CCSER1: variants seen among roughly 807,000 people sequenced by gnomAD.
The protein encoded by CCSER1 is coiled-coil serine rich protein 1.
A neutral mutation model predicts 82.0 loss-of-function variants in CCSER1; 41 were observed. The observed-to-expected ratio is 0.50, with a 90% confidence interval of 0.39 to 0.65. CCSER1 has a LOEUF of 0.65. CCSER1 is among the 30% of genes least tolerant of loss of function. The pLI, the probability that CCSER1 is intolerant of heterozygous loss-of-function variation, is 0.00. For missense variants in CCSER1, 1,119 were observed against 1,064.2 expected, an observed-to-expected ratio of 1.05 and a Z score of -0.72; for synonymous variants, 414 against 383.9, an observed-to-expected ratio of 1.08 and a Z score of -0.92.
intron 9 of CCSER1, among the ~76,000 whole-genome samples, chr4:90,995,063 C>T (rs1407882564): frequency 2.0e-5 from 3 of 152,118 alleles, no homozygotes; most frequent in Admixed American, 6.6e-5. Context: ...AATCTTTTTG[C>T]AATTTTACAA....
chr4:90,596,279 A>G (rs1783323848), intron 5 of CCSER1, among the ~76,000 whole-genome samples: 1 of 151,974 alleles, frequency 6.6e-6, no homozygotes. Flanking sequence ...ATGATCATTT[A>G]TGTTAATTAT....
intron 10 of CCSER1, among the ~76,000 whole-genome samples, chr4:91,159,022 C>T (rs751157944): frequency 6.6e-6 from 1 of 151,926 alleles, no homozygotes. Flanking sequence ...TTCTACAGTA[C>T]AGCTCGGATC....
At chr4:91,420,837 A>G (rs192431640) in intron 10 of CCSER1, among the ~76,000 whole-genome samples, 2 of 152,284 alleles carry the variant, frequency 1.3e-5, no homozygotes, top group East Asian at 3.9e-4. Context: ...AGATAGATAG[A>G]TAGAGATATA....
chr4:90,201,333 G>C (rs558709313), intron 1 of CCSER1, among the ~76,000 whole-genome samples: 15 of 152,140 alleles, frequency 9.9e-5, no homozygotes, highest in African/African-American at 3.1e-4. Context: ...AGAACATGCT[G>C]TAGTGATAGG....
intron 10 of CCSER1, among the ~76,000 whole-genome samples, chr4:91,089,773 A>C (rs1374521590): frequency 1.3e-5 from 2 of 152,208 alleles, no homozygotes; most frequent in Non-Finnish European, 2.9e-5. Flanking sequence ...TGGCCCCAGG[A>C]TCAAATCCGT....
chr4:90,974,099 G>T (rs753959280), intron 9 of CCSER1, among the ~76,000 whole-genome samples: 3 of 151,472 alleles, frequency 2.0e-5, no homozygotes, highest in Non-Finnish European at 4.4e-5. Context: ...ACGGTAGAAA[G>T]CTTTAGTTAT....
intron 10 of CCSER1, among the ~76,000 whole-genome samples, chr4:91,510,246 A>T (rs1164518483): frequency 6.6e-6 from 1 of 152,074 alleles, no homozygotes; most frequent in Non-Finnish European, 1.5e-5. Flanking sequence ...TTATTTTCCA[A>T]TCCACTGCCG....
intron 8 of CCSER1, among the ~76,000 whole-genome samples, chr4:90,919,544 A>G (rs1728070450): frequency 6.6e-6 from 1 of 151,958 alleles, no homozygotes; most frequent in African/African-American, 2.4e-5. Context: ...AGTAGTAATA[A>G]TTAAAGTGGT....
intron 10 of CCSER1, among the ~76,000 whole-genome samples, chr4:91,484,281 A>C (rs1212300464): frequency 6.6e-6 from 1 of 152,134 alleles, no homozygotes; most frequent in African/African-American, 2.4e-5. Context: ...CTCTATTCTT[A>C]TATCTTTGCA....
intron 1 of CCSER1, among the ~76,000 whole-genome samples, chr4:90,282,381 A>G (rs1298221715): frequency 6.6e-6 from 1 of 151,626 alleles, no homozygotes; most frequent in African/African-American, 2.4e-5. Flanking sequence ...AGTAAAAGTG[A>G]TATAGAAAGT....
chr4:91,290,190 T>C (rs1252168944), intron 10 of CCSER1, among the ~76,000 whole-genome samples: 1 of 152,014 alleles, frequency 6.6e-6, no homozygotes, highest in Non-Finnish European at 1.5e-5. Context: ...GAGAAACGTA[T>C]TGCCAGCAAA....
At chr4:90,390,815 CTGAGT>C (rs1212599959) in intron 3 of CCSER1, among the ~76,000 whole-genome samples, 1 of 152,106 alleles carries the variant, frequency 6.6e-6, no homozygotes, top group Non-Finnish European at 1.5e-5. Flanking sequence ...AATGGGATTG[CTGAGT>C]TGAGTGGTAA....
At position 90,309,207 on chromosome 4, in the gene CCSER1, C is replaced by A; in HGVS notation, c.923C>A (p.Thr308Lys). The A allele has an allele frequency of 6.2e-7, 1 of 1,613,942 alleles. No individual in the cohort carries two copies. Among genetic ancestry groups the A allele is most frequent in the Admixed American group, 1.7e-5 (1 of 60,008 alleles). ...TCTGCTGCTGTTACAAAGACAACAA[C>A]AGAACTTACGGGAACTGTTCCCTGT... ...LNSAAVTKTT[T>K]ELTGTVPCAI... The change falls in exon 2 of 11, where the codon ACA (threonine) becomes AAA (lysine). Residue 308 changes from threonine to lysine, a missense_variant. Transcript: ENST00000509176.
intron 4 of CCSER1, among the ~76,000 whole-genome samples, chr4:90,405,843 C>T (rs1035769359): frequency 1.3e-5 from 2 of 152,008 alleles, no homozygotes; most frequent in South Asian, 2.1e-4. Flanking sequence ...GCCAGCACTA[C>T]AGGAACTGCC....
chr4:90,133,880 G>T (rs969886655), intron 1 of CCSER1, among the ~76,000 whole-genome samples: 1 of 152,178 alleles, frequency 6.6e-6, no homozygotes, highest in Non-Finnish European at 1.5e-5. Context: ...GTGCCTAAAA[G>T]AATATATGAA....
At chr4:91,142,343 C>T (rs1437480567) in intron 10 of CCSER1, among the ~76,000 whole-genome samples, 1 of 152,194 alleles carries the variant, frequency 6.6e-6, no homozygotes, top group Non-Finnish European at 1.5e-5. Context: ...CCATGTGGAA[C>T]TGTGAATCCA....
chr4:90,600,952 G>T (rs931844656), intron 5 of CCSER1, among the ~76,000 whole-genome samples: 1 of 144,026 alleles, frequency 6.9e-6, no homozygotes, highest in Non-Finnish European at 1.5e-5. Context: ...TATTGTTAGT[G>T]ATATTATTTT....
intron 10 of CCSER1, among the ~76,000 whole-genome samples, chr4:91,256,276 G>T (rs1196657191): frequency 6.6e-6 from 1 of 152,096 alleles, no homozygotes; most frequent in South Asian, 2.1e-4. Flanking sequence ...GCGAATTCTA[G>T]TCAGACCGGT....
At chr4:90,517,656 A>ATATCATT in intron 5 of CCSER1, among the ~76,000 whole-genome samples, 1 of 152,294 alleles carries the variant, frequency 6.6e-6, no homozygotes, top group South Asian at 2.1e-4. Flanking sequence ...TGTAATCATG[A>ATATCATT]TATCATTTAA....
Sources: allele counts gnomAD v4.1 joint callset (sites outside exome capture counted in the v4.1 genomes callset), GRCh38; gene constraint gnomAD v4.1.1; transcripts MANE v1.5; gene names NCBI Gene and HGNC (gene_info 2026-07-23, HGNC 2026-07-21).